Variants in PTGER3 observed in about 807,000 individuals in gnomAD.
PTGER3 encodes prostaglandin E2 receptor EP3 subtype.
In PTGER3, 22 loss-of-function variants were observed where a neutral mutation model predicts 34.7. The observed-to-expected ratio is 0.63, with a 90% confidence interval of 0.45 to 0.91. PTGER3 has a LOEUF of 0.91. Among genes scored for constraint, PTGER3 ranks in the 40% least tolerant of loss-of-function variants. PTGER3 has a pLI of 0.00. For missense variants in PTGER3, 468 were observed against 519.4 expected (o/e 0.90, Z 0.96); for synonymous variants, 241 against 230.1 (o/e 1.05, Z -0.43).
At chr1:70,986,624 C>G (rs1654941475) in intron 2 of PTGER3, among the ~76,000 whole-genome samples, 1 of 152,136 alleles carries the variant, frequency 6.6e-6, no homozygotes, top group Non-Finnish European at 1.5e-5. Flanking sequence ...AGCAACCAGG[C>G]AAGACAACAA....
chr1:71,025,699 G>GT (rs1164274198), intron 1 of PTGER3, among the ~76,000 whole-genome samples: 2 of 152,192 alleles, frequency 1.3e-5, no homozygotes, highest in African/African-American at 4.8e-5. Flanking sequence ...TGCCTGTGAG[G>GT]TGAGTGAGTT....
At chr1:70,872,327 A>G (rs1434208716) in intron 4 of PTGER3, among the ~76,000 whole-genome samples, 1 of 152,324 alleles carries the variant, frequency 6.6e-6, no homozygotes, top group South Asian at 2.1e-4. Flanking sequence ...TCTTGTAAAC[A>G]GTTGTGCATA....
chr1:70,891,738 AT>A (rs1161783698), intron 4 of PTGER3, among the ~76,000 whole-genome samples: 3 of 152,218 alleles, frequency 2.0e-5, no homozygotes, highest in African/African-American at 7.2e-5. Flanking sequence ...TCTAACAACA[AT>A]TATAAAAATA....
At position 70,986,980 on chromosome 1, in the gene PTGER3, C is replaced by T. The variant is rs546716574; in HGVS notation, c.1078-12592G>A. Among the ~76,000 whole-genome samples, 133 of 152,262 alleles carry T rather than the reference C, an allele frequency of 8.7e-4. 1 individual carries two copies. Among genetic ancestry groups the T allele is most frequent in the African/African-American group, 3.1e-3 (127 of 41,530 alleles). ...TTGTTCTTTCTAGAAAAATTTTAAGCAGATATCTTTAAGCACCTAAAATTG... is the reference window on the plus strand; with the variant it reads ...TTGTTCTTTCTAGAAAAATTTTAAGTAGATATCTTTAAGCACCTAAAATTG... On this transcript the variant is annotated intron_variant, in intron 2 of 3. Transcript: ENST00000306666.
chr1:70,993,239 G>A (rs184713722), intron 2 of PTGER3, among the ~76,000 whole-genome samples: 17 of 152,264 alleles, frequency 1.1e-4, no homozygotes, highest in Admixed American at 9.8e-4. Context: ...CACTAAGAAA[G>A]CAGATGTATC....
intron 2 of PTGER3, among the ~76,000 whole-genome samples, chr1:70,989,039 C>G (rs571591566): frequency 2.0e-5 from 3 of 152,190 alleles, no homozygotes; most frequent in Non-Finnish European, 2.9e-5. Flanking sequence ...AATTCCCCCC[C>G]CAAAACTTGT....
intron 2 of PTGER3, among the ~76,000 whole-genome samples, chr1:70,964,846 C>A (rs1652342823): frequency 6.6e-6 from 1 of 152,212 alleles, no homozygotes; most frequent in South Asian, 2.1e-4. Flanking sequence ...CTTTCTCCAG[C>A]AAGAATTTGT....
chr1:70,904,180 A>G (rs1313776776), intron 4 of PTGER3, among the ~76,000 whole-genome samples: 2 of 152,204 alleles, frequency 1.3e-5, no homozygotes, highest in South Asian at 2.1e-4. Flanking sequence ...GCCTTCTGCC[A>G]TGATTCTGAG....
At chr1:70,990,647 AT>A (rs1299066789) in intron 2 of PTGER3, among the ~76,000 whole-genome samples, 1 of 151,880 alleles carries the variant, frequency 6.6e-6, no homozygotes, top group Non-Finnish European at 1.5e-5. Context: ...CACCTGGCTA[AT>A]TTTTATGTTT....
At chr1:70,968,011 G>T (rs1000695121), downstream of PTGER3, among the ~76,000 whole-genome samples, 5 of 152,110 alleles carry the variant, frequency 3.3e-5, no homozygotes, top group Admixed American at 3.3e-4. Context: ...ACGTATCCCT[G>T]GCTAACAGAT....
At chr1:70,973,559 T>C (rs568067944) in intron 3 of PTGER3, among the ~76,000 whole-genome samples, 4 of 152,200 alleles carry the variant, frequency 2.6e-5, no homozygotes, top group African/African-American at 9.6e-5. Context: ...AGCAGAGGGG[T>C]TACTGTACCT....
intron 1 of PTGER3, among the ~76,000 whole-genome samples, chr1:71,043,570 A>G (rs2101002818): frequency 6.6e-6 from 1 of 152,332 alleles, no homozygotes; most frequent in African/African-American, 2.4e-5. Flanking sequence ...AGTTTGGACA[A>G]TTAGAATAGT....
At chr1:71,040,351 C>T (rs375203539) in intron 1 of PTGER3, among the ~76,000 whole-genome samples, 1 of 152,094 alleles carries the variant, frequency 6.6e-6, no homozygotes, top group African/African-American at 2.4e-5. Context: ...TGTAATGCCA[C>T]AGCACTTTGG....
intron 4 of PTGER3, among the ~76,000 whole-genome samples, chr1:70,859,032 G>T (rs1645871032): frequency 1.3e-5 from 2 of 152,142 alleles, no homozygotes; most frequent in Admixed American, 1.3e-4. Context: ...TTTGTCCACT[G>T]CTTTCTCATT....
intron 4 of PTGER3, among the ~76,000 whole-genome samples, chr1:70,907,712 A>G (rs980438139): frequency 3.3e-5 from 5 of 152,216 alleles, no homozygotes; most frequent in Admixed American, 3.3e-4. Context: ...CCCACATATT[A>G]CTTAACTTGT....
chr1:70,876,413 C>A (rs1025609949), intron 4 of PTGER3, among the ~76,000 whole-genome samples: 2 of 150,306 alleles, frequency 1.3e-5, no homozygotes, highest in African/African-American at 2.5e-5. Flanking sequence ...TTGATAGTTT[C>A]TTTTGCTGTG....
intron 2 of PTGER3, among the ~76,000 whole-genome samples, chr1:70,962,461 A>T (rs1259125112): frequency 6.6e-6 from 1 of 151,648 alleles, no homozygotes; most frequent in African/African-American, 2.4e-5. Flanking sequence ...CAACAAAGAC[A>T]TACCTGAGAC....
Position 70,971,676 on chromosome 1 carries a change from A to G in PTGER3, c.*54T>C. 1 of 1,552,624 alleles carries G rather than the reference A, an allele frequency of 6.4e-7. No homozygotes were observed. On this transcript the variant is annotated 3_prime_UTR_variant, in exon 4 of 4. Coordinates refer to ENST00000306666, the MANE Select transcript of PTGER3 (RefSeq NM_198719.2). ...TTATCCTTCTCAGGTGGGAAGAAAT[A>G]TGCAAATTCAGGGAAGCAGGAATTG...
At chr1:70,893,133 A>G (rs1372937045) in intron 4 of PTGER3, among the ~76,000 whole-genome samples, 1 of 152,212 alleles carries the variant, frequency 6.6e-6, no homozygotes, top group Non-Finnish European at 1.5e-5. Flanking sequence ...CTCATGCAAT[A>G]TGCCATAACT....
Sources: gnomAD v4.1 joint callset for allele counts (sites outside exome capture counted in the v4.1 genomes callset) on GRCh38, gnomAD v4.1.1 for gene constraint, MANE v1.5 for transcripts, NCBI Gene and HGNC (gene_info 2026-07-23, HGNC 2026-07-21) for gene names.